MYH6: variants seen among roughly 807,000 people sequenced by gnomAD.
MYH6 encodes the protein myosin heavy chain 6.
In MYH6, 126 loss-of-function variants were observed where a neutral mutation model predicts 223.2. The ratio of observed to expected loss-of-function variants is 0.56; its 90% CI spans 0.49 to 0.65. The LOEUF (loss-of-function observed/expected upper bound fraction) is 0.65. Among genes scored for constraint, MYH6 ranks in the 30% least tolerant of loss-of-function variants. The pLI, the probability that MYH6 is intolerant of heterozygous loss-of-function variation, is 0.00. For synonymous variants in MYH6, 978 were observed against 1,010.2 expected, an observed-to-expected ratio of 0.97 and a Z score of 0.61; for missense variants, 2,040 against 2,536.4, an observed-to-expected ratio of 0.80 and a Z score of 4.20.
At chr14:23,388,647 G>A (rs775823439) in intron 29 of MYH6, 1 of 901,500 alleles carries the variant, frequency 1.1e-6, no homozygotes, top group South Asian at 1.3e-5. Context: ...GTATAACCCG[G>A]GCCAAAAGCT....
intron 3 of MYH6, among the ~76,000 whole-genome samples, chr14:23,406,469 C>T (rs902660331): frequency 6.6e-5 from 10 of 152,164 alleles, no homozygotes; most frequent in Non-Finnish European, 1.0e-4. Flanking sequence ...ATTCAGTCAA[C>T]GAGTTCATGA....
At chr14:23,382,966 C>T (rs1448122307) in intron 37 of MYH6, among the ~76,000 whole-genome samples, 2 of 151,550 alleles carry the variant, frequency 1.3e-5, no homozygotes, top group East Asian at 3.9e-4. Flanking sequence ...CCTTCAGCTT[C>T]GGCTGCCCCA....
In MYH6 at chr14:23,405,586, C is replaced by G. The variant is rs112783543; in HGVS notation, c.345+41G>C. 22 of 1,613,692 alleles carry G rather than the reference C, an allele frequency of 1.4e-5. No homozygotes were observed. The highest frequency in any genetic ancestry group is 3.3e-5 in the Admixed American group (2 of 59,962). On this transcript the variant is annotated intron_variant, in intron 4 of 38. Transcript: ENST00000405093. This position sits in a 1 kb window ranked among gnomAD's most constrained non-coding sequence, Gnocchi z 4.7. ...CCCCCCTGGCTTATTTAGGCCTCCACGCAGCACAGGAAGCCTCTGCAGTGT... is the reference window on the plus strand; with the variant it reads ...CCCCCCTGGCTTATTTAGGCCTCCAGGCAGCACAGGAAGCCTCTGCAGTGT...
intron 28 of MYH6, 39 bp from the exon 29 acceptor site, chr14:23,389,094 C>T: frequency 6.4e-7 from 1 of 1,563,210 alleles, no homozygotes; most frequent in Non-Finnish European, 8.6e-7. Flanking sequence ...GGGAGGGACT[C>T]CCTGTGCCCC....
chr14:23,397,959 T>TCTTCTTCTTCTTCTTCC (rs1891468887), intron 15 of MYH6, among the ~76,000 whole-genome samples: 1 of 114,676 alleles, frequency 8.7e-6, no homozygotes, highest in African/African-American at 3.6e-5. Context: ...CTTCTTCTTC[T>TCTTCTTCTTCTTCTTCC]TCTTCTTCTT....
Position 23,405,163 on chromosome 14 carries a change from G to C in MYH6, c.503-36C>G. ...AAAGAGGAGAAGCAATGGGGTCAGG[G>C]CTGAGGATCTGGGTGGGTGTCTGGG... On this transcript the variant is annotated intron_variant, in intron 5 of 38. Coordinates refer to ENST00000405093, the MANE Select transcript of MYH6 (RefSeq NM_002471.4). This position sits in a 1 kb window ranked among gnomAD's most constrained non-coding sequence, Gnocchi z 4.7. 1.2e-6 allele frequency: 2 copies of C among 1,614,012 alleles called. No individual in the cohort carries two copies. The highest frequency in any genetic ancestry group is 1.7e-6 in the Non-Finnish European group (2 of 1,180,042).
In MYH6 at chr14:23,407,591, C is replaced by T. The variant is rs530105585; in HGVS notation, c.-29G>A. ...CAGTTCTCACCTGGTTATCCCTTCA[C>T]GGAGAATCCTGAAGAATCTGGACCG... On this transcript the variant is annotated 5_prime_UTR_variant, in exon 2 of 39. It adds an upstream start codon to the 5' untranslated region. Transcript: ENST00000405093. The surrounding 1 kb of genome is among the most constrained non-coding windows in gnomAD (Gnocchi z 5.6). The T allele has an allele frequency of 3.2e-5, 38 of 1,179,774 alleles. No homozygotes were observed. Among genetic ancestry groups the T allele is most frequent in the African/African-American group, 2.4e-4 (15 of 63,150 alleles). 73.1% of individuals were successfully genotyped at this position (1,179,774 alleles called of 1,614,324 possible).
Position 23,399,076 on chromosome 14 carries a change from G to A in MYH6, c.1582-39C>T, listed in dbSNP as rs439735. ...GAAGAGGCAAAGAGAGAATCACTGA[G>A]CACACTCCCAGGCTTCCACAGTCCC... On this transcript the variant is annotated intron_variant, in intron 14 of 38. Transcript: ENST00000405093. The A allele has an allele frequency of 0.24, 389,356 of 1,608,864 alleles. 49,114 individuals are homozygous for A. Among genetic ancestry groups the A allele is most frequent in the Non-Finnish European group, 0.26 (306,424 of 1,175,820 alleles).
At chr14:23,397,660 G>A in intron 15 of MYH6, 47 bp from the exon 16 acceptor site, 1 of 1,597,462 alleles carries the variant, frequency 6.3e-7, no homozygotes, top group Non-Finnish European at 8.6e-7. Context: ...GAAAATAAAG[G>A]AGCCCTTGGG....
chr14:23,394,830 T>C (rs1458207954), intron 20 of MYH6, among the ~76,000 whole-genome samples: 1 of 152,190 alleles, frequency 6.6e-6, no homozygotes, highest in African/African-American at 2.4e-5. Flanking sequence ...TTTCAAAAAT[T>C]ACTTTAACCA....
chr14:23,394,040 G>A lies in MYH6; in HGVS notation c.2685+28C>T, dbSNP rs772375715. On this transcript the variant is annotated intron_variant, in intron 21 of 38. Transcript: ENST00000405093. The stretch of plus-strand genomic sequence containing the variant: ...TATAATCTAGGGGAGGGGAGGAGAG[G>A]GCTGAAGAGATAATCACGTGGCCTC... 3.2e-5 allele frequency: 51 copies of A among 1,613,856 alleles called. No individual in the cohort carries two copies. The South Asian group carries it at 5.3e-4, about 17-fold the overall frequency.
At chr14:23,404,597 G>T (rs994347736) in intron 7 of MYH6, 114 bp downstream of exon 7, 10 of 1,164,380 alleles carry the variant, frequency 8.6e-6, no homozygotes, top group Non-Finnish European at 1.3e-5. Context: ...ACCATCGGGA[G>T]CCCAGCTCAG....
At chr14:23,391,635 T>A (rs1166451019) in intron 25 of MYH6, among the ~76,000 whole-genome samples, 3 of 152,218 alleles carry the variant, frequency 2.0e-5, no homozygotes, top group Non-Finnish European at 4.4e-5. Flanking sequence ...AGCCACAGTC[T>A]GCCCCAAAGT....
intron 37 of MYH6, 104 bp from the exon 38 acceptor site, chr14:23,382,666 C>T: frequency 6.5e-7 from 1 of 1,531,104 alleles, no homozygotes; most frequent in Non-Finnish European, 9.0e-7. Context: ...GGCACCCATA[C>T]CTCATGCATA....
chr14:23,404,566 A>C (rs1891717134), intron 7 of MYH6, 145 bp downstream of exon 7: 1 of 1,057,518 alleles, frequency 9.5e-7, no homozygotes, highest in Non-Finnish European at 1.4e-6. Flanking sequence ...TCCTGTCAGG[A>C]AGGTCTTCCA....
In MYH6 at chr14:23,389,524, T is replaced by C. The variant is rs1274848635; in HGVS notation, c.3860-13A>G. On this transcript the variant is annotated splice_polypyrimidine_tract_variant and intron_variant, in intron 27 of 38. Transcript: ENST00000405093. ...CGGGCCAACTCTCCTGGAGGTGAAA[T>C]GAGGGGCTTGTGGGCCATTTCACAA... 3.1e-6 allele frequency: 5 copies of C among 1,614,092 alleles called. No homozygotes were observed. Among genetic ancestry groups the C allele is most frequent in the Non-Finnish European group, 4.2e-6 (5 of 1,180,010 alleles).
In MYH6 at chr14:23,400,488, T is replaced by C. The variant is rs1047658104; in HGVS notation, c.1411-62A>G. ...TGGGTGTGAGTGGCCATTGGGGCTG[T>C]GCCCGTGCACTGTGCCGAGCCCAGC... On this transcript the variant is annotated intron_variant, in intron 13 of 38. Transcript: ENST00000405093. 3.1e-6 allele frequency: 5 copies of C among 1,613,108 alleles called. No homozygotes were observed. In the Admixed American group the frequency reaches 8.4e-5, roughly 27 times the overall value.
Position 23,394,174 on chromosome 14 carries a change from C to A in MYH6, c.2579G>T (p.Arg860Leu), listed in dbSNP as rs115845031. The change falls in exon 21 of 39, where the codon CGC (arginine) becomes CTC (leucine). Residue 860 changes from arginine (R) to leucine (L), a missense_variant. This residue lies in a region of MYH6 where 1,203 missense variants were observed against 1,400.2 expected (regional missense o/e 0.86). Transcript: ENST00000405093. ...EMATMKEEFG[R>L]IKETLEKSEA... ...GGACTTCTCCAGCGTCTCTTTGATGCGCCCGAACTCTTCCTTCATGGTGGC... is the reference window on the plus strand; with the variant it reads ...GGACTTCTCCAGCGTCTCTTTGATGAGCCCGAACTCTTCCTTCATGGTGGC... 3.0e-5 allele frequency: 48 copies of A among 1,614,212 alleles called. No individual in the cohort carries two copies. The highest frequency in any genetic ancestry group is 3.8e-5 in the Non-Finnish European group (45 of 1,180,040).
intron 36 of MYH6, 21 bp from the exon 37 acceptor site, chr14:23,383,341 G>GGGGGCCCCCCCCCC: frequency 3.6e-6 from 2 of 556,582 alleles, no homozygotes; most frequent in East Asian, 4.9e-5. Flanking sequence ...GAGGGTGGGA[G>GGGGGCCCCCCCCCC]AAGCTGGTTT....
Sources: gnomAD v4.1 joint callset for allele counts (sites outside exome capture counted in the v4.1 genomes callset) on GRCh38, gnomAD v4.1.1 for gene constraint, gnomAD v4.1.1 regional missense constraint, Gnocchi (gnomAD v3.1) non-coding constraint, MANE v1.5 for transcripts, NCBI Gene and HGNC (gene_info 2026-07-23, HGNC 2026-07-21) for gene names.